The following CCDC85A variants were observed in gnomAD, a reference collection of about 807,000 sequenced individuals.
The protein encoded by CCDC85A is coiled-coil domain containing 85A.
A neutral mutation model predicts 50.2 loss-of-function variants in CCDC85A; 38 were observed. The observed-to-expected ratio is 0.76, with a 90% CI of 0.58 to 0.99. CCDC85A has a LOEUF of 0.99. Among genes scored for constraint, CCDC85A ranks in the 50% least tolerant of loss-of-function variants. The pLI is 0.00. For missense variants in CCDC85A, 820 were observed against 742.0 expected, an observed-to-expected ratio of 1.11 and a Z score of -1.22; for synonymous variants, 366 against 301.4, an observed-to-expected ratio of 1.21 and a Z score of -2.22.
chr2:56,249,590 G>C (rs769863384), intron 2 of CCDC85A, among the ~76,000 whole-genome samples: 3 of 152,234 alleles, frequency 2.0e-5, no homozygotes, highest in Non-Finnish European at 4.4e-5. Flanking sequence ...CTGCCTTTGC[G>C]TATGCAGCAT....
chr2:56,306,830 C>T (rs956306899), intron 2 of CCDC85A, among the ~76,000 whole-genome samples: 3 of 151,922 alleles, frequency 2.0e-5, no homozygotes, highest in Non-Finnish European at 2.9e-5. Flanking sequence ...TCCTGTCAGA[C>T]GAGACAATCT....
At chr2:56,214,360 C>A (rs1028954355) in intron 2 of CCDC85A, among the ~76,000 whole-genome samples, 1 of 151,848 alleles carries the variant, frequency 6.6e-6, no homozygotes, top group Admixed American at 6.6e-5. Flanking sequence ...GTAAGTGCTG[C>A]ATAAAAAATG....
intron 2 of CCDC85A, among the ~76,000 whole-genome samples, chr2:56,316,459 C>A (rs1672926688): frequency 6.6e-6 from 1 of 152,042 alleles, no homozygotes; most frequent in South Asian, 2.1e-4. Context: ...CAGTGACTTA[C>A]CTGAATTTTA....
chr2:56,233,303 T>A (rs1053801594), intron 2 of CCDC85A, among the ~76,000 whole-genome samples: 4 of 152,202 alleles, frequency 2.6e-5, no homozygotes, highest in Non-Finnish European at 5.9e-5. Flanking sequence ...TGGAACACTG[T>A]CTTTCTTACT....
intron 2 of CCDC85A, among the ~76,000 whole-genome samples, chr2:56,240,434 CTT>C (rs766596506): frequency 7.9e-5 from 12 of 152,124 alleles, no homozygotes; most frequent in Non-Finnish European, 1.3e-4. Flanking sequence ...GTGGAGTGTA[CTT>C]TTGTTTCAGT....
At chr2:56,357,525 G>A (rs1186511257) in intron 3 of CCDC85A, among the ~76,000 whole-genome samples, 1 of 151,948 alleles carries the variant, frequency 6.6e-6, no homozygotes, top group Non-Finnish European at 1.5e-5. Context: ...TTTTATTTTA[G>A]ATGTATCTTT....
In CCDC85A at chr2:56,358,961, A is replaced by ATT. The variant is rs1247665108; in HGVS notation, c.1318-13362_1318-13361dup. Among the ~76,000 whole-genome samples the ATT allele has an allele frequency of 8.6e-3, 308 of 35,756 alleles. 2 individuals carry two copies. Among genetic ancestry groups the ATT allele is most frequent in the African/African-American group, 0.017 (281 of 17,000 alleles). The allele number at this position is 35,756 out of a possible 152,430, so 23.5% of individuals were successfully genotyped here. A position where few individuals can be genotyped will look rare whatever the true frequency, so the allele number is the denominator to read the frequency against. On this transcript the variant is annotated intron_variant, in intron 3 of 5. Transcript: ENST00000407595. Reference sequence around the variant, plus strand: ...CACCATGCCCGGCTAATTTTTTTGTATTTTTTTTTTTTTTTTTTTTTTAGT... The same window carrying ATT: ...CACCATGCCCGGCTAATTTTTTTGTATTTTTTTTTTTTTTTTTTTTTTTTAGT...
At chr2:56,246,494 G>A (rs1324857510) in intron 2 of CCDC85A, among the ~76,000 whole-genome samples, 1 of 151,478 alleles carries the variant, frequency 6.6e-6, no homozygotes, top group East Asian at 1.9e-4. Flanking sequence ...AAGTTTTATA[G>A]TTTTACCTGT....
At chr2:56,262,414 T>G (rs1215947976) in intron 2 of CCDC85A, among the ~76,000 whole-genome samples, 1 of 152,164 alleles carries the variant, frequency 6.6e-6, no homozygotes, top group Non-Finnish European at 1.5e-5. Context: ...TTTTTCTCGG[T>G]CTAATACAAA....
chr2:56,347,983 G>A (rs922196987), intron 3 of CCDC85A, among the ~76,000 whole-genome samples: 13 of 152,132 alleles, frequency 8.5e-5, no homozygotes, highest in African/African-American at 3.1e-4. Flanking sequence ...TTATTATAAA[G>A]TAAATAGTAC....
intron 2 of CCDC85A, among the ~76,000 whole-genome samples, chr2:56,310,577 A>G (rs774588126): frequency 6.6e-6 from 1 of 152,196 alleles, no homozygotes; most frequent in Non-Finnish European, 1.5e-5. Context: ...AGACCAGTCA[A>G]GCAAATGACA....
At chr2:56,338,399 A>G (rs1674186507) in intron 2 of CCDC85A, among the ~76,000 whole-genome samples, 1 of 152,146 alleles carries the variant, frequency 6.6e-6, no homozygotes, top group Non-Finnish European at 1.5e-5. Flanking sequence ...CACCCTTGAA[A>G]AAGGACAAAA....
chr2:56,317,760 A>G (rs1260971211), intron 2 of CCDC85A, among the ~76,000 whole-genome samples: 1 of 152,086 alleles, frequency 6.6e-6, no homozygotes. Flanking sequence ...TTTAAACTCT[A>G]AGTTGTTCAC....
chr2:56,379,030 A>G (rs1676466485), intron 5 of CCDC85A, among the ~76,000 whole-genome samples: 1 of 152,230 alleles, frequency 6.6e-6, no homozygotes, highest in Non-Finnish European at 1.5e-5. Context: ...TTTTAAAGGA[A>G]TATTATTTTC....
chr2:56,262,697 G>T (rs573621724), intron 2 of CCDC85A, among the ~76,000 whole-genome samples: 1 of 152,172 alleles, frequency 6.6e-6, no homozygotes, highest in Non-Finnish European at 1.5e-5. Context: ...TCTCATGCTC[G>T]AAGTCAGTTT....
chr2:56,302,324 A>C (rs1672248004), intron 2 of CCDC85A, among the ~76,000 whole-genome samples: 1 of 152,160 alleles, frequency 6.6e-6, no homozygotes, highest in Non-Finnish European at 1.5e-5. Flanking sequence ...TTAAAGTGAA[A>C]GATTTGTTTC....
intron 2 of CCDC85A, among the ~76,000 whole-genome samples, chr2:56,211,388 A>T (rs1459000822): frequency 1.3e-5 from 2 of 151,942 alleles, no homozygotes; most frequent in African/African-American, 4.8e-5. Context: ...ATTCTTGGTT[A>T]TGTGCATTTC....
intron 2 of CCDC85A, 79 bp downstream of exon 2, chr2:56,193,519 C>T: frequency 6.9e-7 from 1 of 1,443,970 alleles, no homozygotes; most frequent in Non-Finnish European, 9.2e-7. Context: ...ACTTTCCAGC[C>T]ATGTAAGAAA....
intron 2 of CCDC85A, among the ~76,000 whole-genome samples, chr2:56,277,234 G>T (rs567775090): frequency 6.6e-6 from 1 of 152,278 alleles, no homozygotes; most frequent in East Asian, 1.9e-4. Context: ...TAATTAGGAA[G>T]TGGGAAAGGA....
Sources: allele counts gnomAD v4.1 joint callset (sites outside exome capture counted in the v4.1 genomes callset), GRCh38; gene constraint gnomAD v4.1.1; transcripts MANE v1.5; gene names NCBI Gene and HGNC (gene_info 2026-07-23, HGNC 2026-07-21).